Variants in CFAP299 observed in about 807,000 individuals in gnomAD.
CFAP299 encodes cilia and flagella associated protein 299, also known as cilia- and flagella-associated protein 299.
Under a neutral mutation model 27.0 loss-of-function variants are expected in CFAP299, and 21 were observed. That is an observed-to-expected ratio of 0.78 (90% CI 0.55 to 1.12). The LOEUF is 1.12. Among genes scored for constraint, CFAP299 ranks in the 50% most tolerant of loss-of-function variants. The pLI is 0.00. For synonymous variants in CFAP299, 104 were observed against 98.1 expected, an observed-to-expected ratio of 1.06 and a Z score of -0.36; for missense variants, 310 against 276.6, an observed-to-expected ratio of 1.12 and a Z score of -0.86.
chr4:80,533,233 C>T (rs931067968), intron 2 of CFAP299, among the ~76,000 whole-genome samples: 2 of 152,202 alleles, frequency 1.3e-5, no homozygotes, highest in Non-Finnish European at 2.9e-5. Context: ...GCTTCAATTT[C>T]ATTTGCATAA....
rs545341968 is a variant in CFAP299 at position 80,951,664 on chromosome 4, C to A, written c.606+6725C>A. Among the ~76,000 whole-genome samples the A allele has an allele frequency of 4.2e-4, 64 of 152,160 alleles. 1 individual carries two copies. Among genetic ancestry groups the A allele is most frequent in the Non-Finnish European group, 1.6e-4 (11 of 68,014 alleles). On this transcript the variant is annotated intron_variant, in intron 5 of 5. Coordinates refer to ENST00000358105, the MANE Select transcript of CFAP299 (RefSeq NM_152770.3). ...TGAATCCATCTATGGTGAGTCCCAG[C>A]AAATTCTATTTTTAAAGCCTCTTCA...
At chr4:80,524,600 T>G (rs770636498) in intron 2 of CFAP299, among the ~76,000 whole-genome samples, 2 of 151,956 alleles carry the variant, frequency 1.3e-5, no homozygotes, top group Non-Finnish European at 1.5e-5. Context: ...TCCTCTTGGG[T>G]GTCTTAAGGA....
chr4:80,448,662 C>T (rs1728753753), intron 2 of CFAP299, among the ~76,000 whole-genome samples: 1 of 151,730 alleles, frequency 6.6e-6, no homozygotes, highest in South Asian at 2.1e-4. Context: ...GCTGAGAGCA[C>T]AGAGTTTTCT....
chr4:80,668,353 T>C (rs1001910559), intron 3 of CFAP299, among the ~76,000 whole-genome samples: 6 of 152,192 alleles, frequency 3.9e-5, no homozygotes, highest in Non-Finnish European at 7.3e-5. Flanking sequence ...CCTGTGCTTT[T>C]AATGTTTTGC....
chr4:80,756,626 A>G (rs1725253732), intron 3 of CFAP299, among the ~76,000 whole-genome samples: 1 of 152,198 alleles, frequency 6.6e-6, no homozygotes, highest in South Asian at 2.1e-4. Context: ...TTAAATTTCA[A>G]TGTCCATACA....
intron 2 of CFAP299, among the ~76,000 whole-genome samples, chr4:80,561,093 A>G (rs1020033690): frequency 6.6e-6 from 1 of 152,176 alleles, no homozygotes; most frequent in Non-Finnish European, 1.5e-5. Flanking sequence ...CTCCACCCCC[A>G]GCTTTAGGTG....
At chr4:80,566,907 G>C (rs1047667910) in intron 2 of CFAP299, among the ~76,000 whole-genome samples, 3 of 151,934 alleles carry the variant, frequency 2.0e-5, no homozygotes, top group Non-Finnish European at 2.9e-5. Context: ...AGACTATCTT[G>C]ACCTACCATA....
chr4:80,753,718 A>G (rs184624323), intron 3 of CFAP299, among the ~76,000 whole-genome samples: 1 of 152,062 alleles, frequency 6.6e-6, no homozygotes, highest in East Asian at 1.9e-4. Flanking sequence ...GGACATTTCA[A>G]TTGAATTTTC....
chr4:80,581,665 T>A (rs982862968), intron 2 of CFAP299, among the ~76,000 whole-genome samples: 1 of 151,466 alleles, frequency 6.6e-6, no homozygotes, highest in Non-Finnish European at 1.5e-5. Context: ...ATCTCTTAAA[T>A]ATTTCCCAAA....
chr4:80,430,948 A>G (rs529644532), intron 2 of CFAP299, among the ~76,000 whole-genome samples: 1 of 152,118 alleles, frequency 6.6e-6, no homozygotes, highest in African/African-American at 2.4e-5. Context: ...TTTCTTCCAG[A>G]TACCCAAATG....
At chr4:80,464,930 A>T (rs946548985) in intron 2 of CFAP299, among the ~76,000 whole-genome samples, 1 of 152,176 alleles carries the variant, frequency 6.6e-6, no homozygotes, top group Non-Finnish European at 1.5e-5. Context: ...CCTCTTCTAT[A>T]AGAATAATGC....
chr4:80,504,170 C>G (rs186932415), intron 2 of CFAP299, among the ~76,000 whole-genome samples: 131 of 151,616 alleles, frequency 8.6e-4, no homozygotes, highest in African/African-American at 3.1e-3. Context: ...AGGGAGTGAC[C>G]AGTGTTCTGA....
At chr4:80,609,794 A>G (rs1211817801) in intron 3 of CFAP299, among the ~76,000 whole-genome samples, 1 of 152,032 alleles carries the variant, frequency 6.6e-6, no homozygotes, top group Non-Finnish European at 1.5e-5. Flanking sequence ...TATATGCTAT[A>G]TTCTATAAGT....
intron 2 of CFAP299, among the ~76,000 whole-genome samples, chr4:80,463,430 T>A (rs1729550377): frequency 6.6e-6 from 1 of 152,228 alleles, no homozygotes; most frequent in Admixed American, 6.5e-5. Context: ...TTAGTTGAAA[T>A]GATCCTAGGT....
At chr4:80,694,168 T>C (rs1051482056) in intron 3 of CFAP299, among the ~76,000 whole-genome samples, 1 of 152,208 alleles carries the variant, frequency 6.6e-6, no homozygotes, top group African/African-American at 2.4e-5. Flanking sequence ...TCTTCTTTGT[T>C]TGATCACCGT....
At chr4:80,870,865 C>T in intron 4 of CFAP299, 1 of 985,214 alleles carries the variant, frequency 1.0e-6, no homozygotes, top group Non-Finnish European at 1.2e-6. Context: ...TCTATCCACC[C>T]TTACTGATAT....
rs1345013812 is a variant in CFAP299, at chr4:80,355,413, A to G, written c.112-7341A>G. Among the ~76,000 whole-genome samples the G allele has an allele frequency of 3.1e-5, 4 of 130,256 alleles. No individual in the cohort carries two copies. The East Asian group carries it at 9.3e-4, about 30-fold the overall frequency. The allele number at this position is 130,256 out of a possible 152,430, so 85.5% of individuals were successfully genotyped here. Reference sequence around the variant, plus strand: ...CGCTCTGTCACCCAGGGTGGAATGCAGTGGCGCGATCTCGGCTCACTGCAA... The same window carrying G: ...CGCTCTGTCACCCAGGGTGGAATGCGGTGGCGCGATCTCGGCTCACTGCAA... On this transcript the variant is annotated intron_variant, in intron 1 of 5. Coordinates refer to ENST00000358105, the MANE Select transcript of CFAP299 (RefSeq NM_152770.3).
intron 2 of CFAP299, among the ~76,000 whole-genome samples, chr4:80,401,595 C>A (rs1238198497): frequency 6.6e-6 from 1 of 152,174 alleles, no homozygotes; most frequent in Non-Finnish European, 1.5e-5. Flanking sequence ...TATGAAAACA[C>A]CTGAATGCCC....
At chr4:80,857,622 T>C (rs1312105890) in intron 3 of CFAP299, among the ~76,000 whole-genome samples, 1 of 152,254 alleles carries the variant, frequency 6.6e-6, no homozygotes, top group Non-Finnish European at 1.5e-5. Context: ...TGAAGCGTTG[T>C]TGAATTTTGT....
Sources: allele counts gnomAD v4.1 joint callset (sites outside exome capture counted in the v4.1 genomes callset), GRCh38; gene constraint gnomAD v4.1.1; transcripts MANE v1.5; gene names NCBI Gene and HGNC (gene_info 2026-07-23, HGNC 2026-07-21).